Variants in TDRD5 observed in about 807,000 individuals in gnomAD.
The protein encoded by TDRD5 is tudor domain containing 5.
TDRD5 carries 41 observed loss-of-function variants against 120.6 expected under a neutral mutation model. That is an observed-to-expected ratio of 0.34 (90% CI 0.26 to 0.44). The LOEUF is 0.44. Among genes scored for constraint, TDRD5 ranks in the 20% least tolerant of loss-of-function variants. The pLI is 1.00. For synonymous variants in TDRD5, 430 were observed against 433.7 expected (o/e 0.99, Z 0.11); for missense variants, 1,006 against 1,221.2 (o/e 0.82, Z 2.63).
At chr1:179,610,166 A>C (rs909547614) in intron 4 of TDRD5, among the ~76,000 whole-genome samples, 3 of 152,130 alleles carry the variant, frequency 2.0e-5, no homozygotes, top group African/African-American at 7.2e-5. Flanking sequence ...CATAACTTTT[A>C]TTTTAAATGG....
At chr1:179,609,407 TCATCA>T (rs1290382986) in intron 4 of TDRD5, among the ~76,000 whole-genome samples, 1 of 152,204 alleles carries the variant, frequency 6.6e-6, no homozygotes, top group Admixed American at 6.5e-5. Context: ...TGACTGTGAC[TCATCA>T]CATAAAGTCA....
intron 11 of TDRD5, among the ~76,000 whole-genome samples, chr1:179,649,260 A>G (rs1678577910): frequency 6.6e-6 from 1 of 151,790 alleles, no homozygotes; most frequent in Non-Finnish European, 1.5e-5. Flanking sequence ...CTTTTTTTTA[A>G]TCTTGCAAAT....
intron 4 of TDRD5, among the ~76,000 whole-genome samples, chr1:179,605,990 A>G (rs909642424): frequency 3.1e-4 from 47 of 152,022 alleles, no homozygotes; most frequent in Admixed American, 2.8e-3. Context: ...AGATAAAGAT[A>G]TGTTTGTTTT....
At chr1:179,684,433 A>T (rs918116055) in intron 17 of TDRD5, among the ~76,000 whole-genome samples, 1 of 152,106 alleles carries the variant, frequency 6.6e-6, no homozygotes, top group Non-Finnish European at 1.5e-5. Context: ...ACATTTTCTT[A>T]ATCCAGTCTA....
chr1:179,595,574 G>A (rs1675344612), intron 3 of TDRD5, 54 bp from the exon 4 acceptor site: 1 of 1,469,916 alleles, frequency 6.8e-7, no homozygotes, highest in Non-Finnish European at 9.1e-7. Flanking sequence ...ACCGGAAAAT[G>A]AAATAGAAGT....
chr1:179,646,663 C>T (rs547610448), intron 11 of TDRD5, among the ~76,000 whole-genome samples: 16 of 152,138 alleles, frequency 1.1e-4, no homozygotes, highest in South Asian at 2.1e-4. Flanking sequence ...GAAGTCAAAT[C>T]GTCCCTGTCT....
chr1:179,687,738 G>T (rs1176136961), intron 17 of TDRD5, among the ~76,000 whole-genome samples: 3 of 152,070 alleles, frequency 2.0e-5, no homozygotes, highest in Non-Finnish European at 4.4e-5. Context: ...TGTATTGGGT[G>T]CATATATATT....
At chr1:179,654,077 C>A in intron 13 of TDRD5, 124 bp from the exon 14 acceptor site, 1 of 755,300 alleles carries the variant, frequency 1.3e-6, no homozygotes, top group Non-Finnish European at 2.0e-6. Context: ...ATGGATAAAG[C>A]TATAAAATAA....
At chr1:179,618,540 C>A in intron 4 of TDRD5, 59 bp from the exon 5 acceptor site, 1 of 1,320,488 alleles carries the variant, frequency 7.6e-7, no homozygotes, top group South Asian at 1.4e-5. Flanking sequence ...CTTAGATCTA[C>A]CTTTGACTTT....
chr1:179,592,909 A>C, intron 2 of TDRD5, 62 bp downstream of exon 2: 1 of 1,498,228 alleles, frequency 6.7e-7, no homozygotes, highest in Admixed American at 1.8e-5. Context: ...TTAGTAAATA[A>C]TTATTCTAGT....
chr1:179,594,081 C>T (rs1338929927), intron 3 of TDRD5, among the ~76,000 whole-genome samples: 3 of 152,274 alleles, frequency 2.0e-5, no homozygotes, highest in East Asian at 3.9e-4. Flanking sequence ...GAGGACCTTA[C>T]ATGAGGTGAG....
chr1:179,619,367 A>C (rs907809512), intron 5 of TDRD5, among the ~76,000 whole-genome samples: 24 of 152,158 alleles, frequency 1.6e-4, no homozygotes, highest in African/African-American at 5.6e-4. Flanking sequence ...GTTTTACCTT[A>C]CTAACAAGTG....
At chr1:179,608,911 G>A (rs1325058552) in intron 4 of TDRD5, among the ~76,000 whole-genome samples, 3 of 152,086 alleles carry the variant, frequency 2.0e-5, no homozygotes, top group East Asian at 1.9e-4. Flanking sequence ...CTGTATTAGA[G>A]TGGGTATTAT....
At chr1:179,611,706 T>C (rs909186938) in intron 4 of TDRD5, among the ~76,000 whole-genome samples, 1 of 152,136 alleles carries the variant, frequency 6.6e-6, no homozygotes, top group Non-Finnish European at 1.5e-5. Context: ...GAATGCAGAG[T>C]TGAGGACATT....
chr1:179,663,910 C>T (rs1225640560), intron 16 of TDRD5, among the ~76,000 whole-genome samples: 1 of 152,136 alleles, frequency 6.6e-6, no homozygotes, highest in Non-Finnish European at 1.5e-5. Flanking sequence ...AGACTGGTTT[C>T]TTCATTCACA....
At chr1:179,662,355 GTT>G in intron 15 of TDRD5, 69 bp downstream of exon 15, 2 of 1,513,004 alleles carry the variant, frequency 1.3e-6, no homozygotes, top group East Asian at 5.0e-5. Flanking sequence ...AATCCTAGCA[GTT>G]TGGGAGGCCA....
At chr1:179,648,504 TTAG>T in intron 11 of TDRD5, among the ~76,000 whole-genome samples, 1 of 137,414 alleles carries the variant, frequency 7.3e-6, no homozygotes, top group African/African-American at 2.7e-5. Flanking sequence ...AGATGACGAG[TTAG>T]TGGATGCGGC....
chr1:179,656,018 C>A (rs930525519), intron 14 of TDRD5, among the ~76,000 whole-genome samples: 6 of 152,084 alleles, frequency 3.9e-5, no homozygotes, highest in Non-Finnish European at 8.8e-5. Context: ...GTATGTCAAA[C>A]TTTTTTCCAG....
At chr1:179,657,036 G>A (rs1236607057) in intron 14 of TDRD5, among the ~76,000 whole-genome samples, 1 of 152,100 alleles carries the variant, frequency 6.6e-6, no homozygotes, top group Non-Finnish European at 1.5e-5. Context: ...CAGCCTGGAC[G>A]ACAAGAGCAA....
Sources: allele counts gnomAD v4.1 joint callset (sites outside exome capture counted in the v4.1 genomes callset), GRCh38; gene constraint gnomAD v4.1.1; transcripts MANE v1.5; gene names NCBI Gene and HGNC (gene_info 2026-07-23, HGNC 2026-07-21).